Variants in CRACR2A observed in about 807,000 individuals in gnomAD.
CRACR2A encodes EF-hand calcium-binding domain-containing protein 4B.
In CRACR2A, 79 loss-of-function variants were observed where a neutral mutation model predicts 90.5. The observed-to-expected ratio is 0.87, with a 90% CI of 0.73 to 1.05. CRACR2A has a LOEUF of 1.05. Among genes scored for constraint, CRACR2A ranks in the 50% least tolerant of loss-of-function variants. CRACR2A has a pLI of 0.00. For missense variants in CRACR2A, 823 were observed against 897.2 expected, an observed-to-expected ratio of 0.92 and a Z score of 1.06; for synonymous variants, 338 against 356.7, an observed-to-expected ratio of 0.95 and a Z score of 0.59.
intron 1 of CRACR2A, among the ~76,000 whole-genome samples, chr12:3,736,414 A>T (rs976120219): frequency 6.6e-6 from 1 of 152,014 alleles, no homozygotes; most frequent in East Asian, 1.9e-4. Flanking sequence ...TTGGCAAGGA[A>T]GAGAATTAGT....
Position 3,696,809 on chromosome 12 carries a change from G to A in CRACR2A, c.191C>T (p.Ala64Val), listed in dbSNP as rs765643261. Reference sequence around the variant, plus strand: ...CCTGGCGATGAAGCCCTTGCCTTCAGCATCACAGGTCTGAAAGAACTCCTG... The same window carrying A: ...CCTGGCGATGAAGCCCTTGCCTTCAACATCACAGGTCTGAAAGAACTCCTG... ...KAQEFFQTCD[A>V]EGKGFIARKD... Residue 64 changes from alanine to valine, a missense_variant, in exon 4 of 20, where the codon GCT (alanine) becomes GTT (valine). Ala to Val is a moderately conservative substitution (Grantham distance 64). Coordinates refer to ENST00000440314, the MANE Select transcript of CRACR2A (RefSeq NM_001144958.2). The A allele has an allele frequency of 6.2e-7, 1 of 1,614,230 alleles. No homozygotes were observed. The highest frequency in any genetic ancestry group is 8.5e-7 in the Non-Finnish European group (1 of 1,180,054).
At chr12:3,666,702 C>T (rs188441321) in intron 7 of CRACR2A, among the ~76,000 whole-genome samples, 6 of 152,360 alleles carry the variant, frequency 3.9e-5, no homozygotes, top group East Asian at 3.9e-4. Flanking sequence ...CTCCAGCTAA[C>T]GGCACATAGG....
chr12:3,659,760 G>T (rs927241469), intron 7 of CRACR2A, 106 bp from the exon 8 acceptor site: 2 of 870,826 alleles, frequency 2.3e-6, no homozygotes, highest in African/African-American at 1.7e-5. Flanking sequence ...GTGGGTGTGG[G>T]GGTGACAGCA....
At chr12:3,741,508 C>T (rs12813439) in intron 1 of CRACR2A, among the ~76,000 whole-genome samples, 12,782 of 152,272 alleles carry the variant, frequency 0.084, 668 homozygotes, top group Middle Eastern at 0.18. Context: ...TGTTCATAAA[C>T]GACTTTCATA....
chr12:3,683,507 C>G (rs1377004092), intron 4 of CRACR2A, among the ~76,000 whole-genome samples: 4 of 152,332 alleles, frequency 2.6e-5, no homozygotes, highest in Non-Finnish European at 2.9e-5. Context: ...TCCTTGGCTC[C>G]TTTAAACACC....
intron 3 of CRACR2A, among the ~76,000 whole-genome samples, chr12:3,706,221 G>C (rs903161392): frequency 6.6e-6 from 1 of 152,224 alleles, no homozygotes; most frequent in South Asian, 2.1e-4. Flanking sequence ...GCCCTTGAGT[G>C]GGGGCAGGAG....
In CRACR2A at chr12:3,633,617, C is replaced by G. The variant is rs544161020; in HGVS notation, c.1722G>C (p.Met574Ile). Residue 574 changes from methionine to isoleucine, a missense_variant, in exon 15 of 20, where the codon ATG becomes ATC. By Grantham distance (10) the Met-to-Ile change is conservative (BLOSUM62 1). Transcript: ENST00000440314. This position sits in a 1 kb window ranked among gnomAD's most constrained non-coding sequence, Gnocchi z 4.5. Reference protein sequence around the residue: ...RFCEDRFSPGMAATVGIDYRV... With the variant: ...RFCEDRFSPGIAATVGIDYRV... ...ATGAGAACTCACCCACAGTGGCCGCCATGCCTGGGGAGAACCGGTCCTCAC... is the reference window on the plus strand; with the variant it reads ...ATGAGAACTCACCCACAGTGGCCGCGATGCCTGGGGAGAACCGGTCCTCAC... 145 of 1,551,714 alleles carry G rather than the reference C, an allele frequency of 9.3e-5. No individual in the cohort carries two copies. In the East Asian group the frequency reaches 3.4e-3, roughly 37 times the overall value.
chr12:3,632,427 T>C (rs1405762709), intron 15 of CRACR2A, among the ~76,000 whole-genome samples: 1 of 152,196 alleles, frequency 6.6e-6, no homozygotes, highest in Non-Finnish European at 1.5e-5. Flanking sequence ...CACATCCTCT[T>C]GAGGTCACAC....
chr12:3,730,305 A>C (rs563753073), intron 2 of CRACR2A: 24 of 152,402 alleles, frequency 1.6e-4, no homozygotes, highest in African/African-American at 5.5e-4. Flanking sequence ...GCTCAGGCTG[A>C]ACGCAAGAGG....
In CRACR2A at chr12:3,654,236, C is replaced by T. The variant is rs770260910; in HGVS notation, c.1022G>A (p.Cys341Tyr). ...CATCTCCTTCTCTTGGTGGAGTTTG[C>T]AGGCCTCTTGCTGGAGGCTTTCCAA... ...QQLESLQQEA[C>Y]KLHQEKEMEV... The change falls in exon 10 of 20, where the codon TGC becomes TAC. Residue 341 changes from cysteine to tyrosine, a missense_variant. Coordinates refer to ENST00000440314, the MANE Select transcript of CRACR2A (RefSeq NM_001144958.2). The T allele has an allele frequency of 1.2e-6, 2 of 1,613,080 alleles. No homozygotes were observed. The highest frequency in any genetic ancestry group is 8.5e-7 in the Non-Finnish European group (1 of 1,179,728).
chr12:3,633,803 G>A lies in CRACR2A; in HGVS notation c.1603-67C>T. 1 of 1,544,860 alleles carries A rather than the reference G, an allele frequency of 6.5e-7. No homozygotes were observed. The highest frequency in any genetic ancestry group is 8.7e-7 in the Non-Finnish European group (1 of 1,145,038). On this transcript the variant is annotated intron_variant, in intron 14 of 19. Transcript: ENST00000440314. The surrounding 1 kb of genome is among the most constrained non-coding windows in gnomAD (Gnocchi z 4.5). ...TTGCCAGCCCCTGCCCCTGCCACCAGAGGCCCTTTACCCATCCCTACAGTG... is the reference window on the plus strand; with the variant it reads ...TTGCCAGCCCCTGCCCCTGCCACCAAAGGCCCTTTACCCATCCCTACAGTG...
chr12:3,721,387 GAAAGA>G (rs1946171374), intron 2 of CRACR2A, among the ~76,000 whole-genome samples: 1 of 144,002 alleles, frequency 6.9e-6, no homozygotes, highest in Non-Finnish European at 1.6e-5. Context: ...AAAAAAGAAA[GAAAGA>G]AAAGAAAGAA....
chr12:3,732,561 C>T (rs1332994023), intron 2 of CRACR2A: 2 of 152,448 alleles, frequency 1.3e-5, no homozygotes, highest in Non-Finnish European at 2.9e-5. Flanking sequence ...CGCCACTGCT[C>T]CTGGCATGGA....
Position 3,681,843 on chromosome 12 carries a change from G to A in CRACR2A, c.229-1494C>T, listed in dbSNP as rs529941167. On this transcript the variant is annotated intron_variant, in intron 4 of 19. Transcript: ENST00000440314. ...TTAATTTGGCAGGTACATGCATTAA[G>A]GGAGACTATGATGCATTATAAAGTG... Among the ~76,000 whole-genome samples the A allele has an allele frequency of 1.3e-4, 20 of 152,330 alleles. No homozygotes were observed. The South Asian group carries it at 3.7e-3, about 28-fold the overall frequency.
At chr12:3,749,841 G>C (rs1193837087) in intron 1 of CRACR2A, among the ~76,000 whole-genome samples, 1 of 140,460 alleles carries the variant, frequency 7.1e-6, no homozygotes, top group Non-Finnish European at 1.6e-5. Flanking sequence ...GTGTGTGTGT[G>C]TTGTGTTGGT....
chr12:3,689,182 A>G (rs888808513), intron 4 of CRACR2A, among the ~76,000 whole-genome samples: 1 of 152,064 alleles, frequency 6.6e-6, no homozygotes, highest in African/African-American at 2.4e-5. Flanking sequence ...GATGTGCTTT[A>G]TTTCTTTCTT....
rs148843369 is a variant in CRACR2A, at chr12:3,665,342, A to T, written c.672-5688T>A. Among the ~76,000 whole-genome samples the T allele has an allele frequency of 6.8e-3, 1,043 of 152,340 alleles. 19 individuals carry two copies. The highest frequency in any genetic ancestry group is 0.011 in the Admixed American group (173 of 15,310). ...TTGCTGACACAGGTATGGTTGCCTCAAAGTTCATTAGATCCAGAAACAGAA... is the reference window on the plus strand; with the variant it reads ...TTGCTGACACAGGTATGGTTGCCTCTAAGTTCATTAGATCCAGAAACAGAA... On this transcript the variant is annotated intron_variant, in intron 7 of 19. Transcript: ENST00000440314.
chr12:3,740,294 T>G (rs1946505351), intron 1 of CRACR2A, among the ~76,000 whole-genome samples: 1 of 152,044 alleles, frequency 6.6e-6, no homozygotes, highest in Non-Finnish European at 1.5e-5. Context: ...CTAAGAAAAG[T>G]TAGCTTATTC....
intron 2 of CRACR2A, among the ~76,000 whole-genome samples, chr12:3,715,592 G>T (rs1325429691): frequency 1.3e-5 from 2 of 152,204 alleles, no homozygotes; most frequent in African/African-American, 4.8e-5. Flanking sequence ...ACATATGATT[G>T]TCACTGGGAG....
Sources: allele counts gnomAD v4.1 joint callset (sites outside exome capture counted in the v4.1 genomes callset), GRCh38; gene constraint gnomAD v4.1.1; non-coding constraint Gnocchi (gnomAD v3.1); transcripts MANE v1.5; gene names NCBI Gene and HGNC (gene_info 2026-07-23, HGNC 2026-07-21).